Variants in CLSTN1 observed in about 807,000 individuals in gnomAD.
CLSTN1 encodes the protein calsyntenin-1.
CLSTN1 carries 28 observed loss-of-function variants against 108.3 expected under a neutral mutation model. The ratio of observed to expected loss-of-function variants is 0.26; its 90% CI spans 0.19 to 0.35. The LOEUF is 0.35. Among genes scored for constraint, CLSTN1 ranks in the 10% least tolerant of loss-of-function variants. The probability of loss-of-function intolerance (pLI) is 1.00; values close to 1 mark genes in which losing one functional copy is unlikely to be tolerated. For missense variants in CLSTN1, 1,157 were observed against 1,302.6 expected (o/e 0.89, Z 1.72); for synonymous variants, 524 against 534.9 (o/e 0.98, Z 0.28).
rs146242353 is a variant in CLSTN1 at position 9,737,518 on chromosome 1, G to C, written c.1556C>G (p.Pro519Arg). Residue 519 changes from proline to arginine, a missense_variant, in exon 11 of 19, where the codon CCT (proline) becomes CGT (arginine). Coordinates refer to ENST00000377298, the MANE Select transcript of CLSTN1 (RefSeq NM_001009566.3). ...GCAACCTGCAGAGGCCACAGTCACA[G>C]GCTCAGTTTCATTGTCATTTTCAAC... ...SGVENDNETE[P>R]VTVASAGGDL... 1.2e-6 allele frequency: 2 copies of C among 1,614,026 alleles called. No individual in the cohort carries two copies. The highest frequency in any genetic ancestry group is 1.7e-6 in the Non-Finnish European group (2 of 1,179,990).
rs116136713 is a variant in CLSTN1 at position 9,792,429 on chromosome 1, T to C, written c.92-19035A>G. Among the ~76,000 whole-genome samples the C allele has an allele frequency of 3.4e-3, 511 of 151,566 alleles. 4 individuals carry two copies. Among genetic ancestry groups the C allele is most frequent in the African/African-American group, 0.012 (496 of 41,536 alleles). On this transcript the variant is annotated intron_variant, in intron 1 of 18. Transcript: ENST00000377298. Reference sequence around the variant, plus strand: ...GTGAGATTTCCAGCAGCAAAGGCTTTAGCACAATCCTTCCAGAAGTTCCAA... The same window carrying C: ...GTGAGATTTCCAGCAGCAAAGGCTTCAGCACAATCCTTCCAGAAGTTCCAA...
intron 1 of CLSTN1, among the ~76,000 whole-genome samples, chr1:9,794,347 C>T (rs532770494): frequency 5.4e-4 from 82 of 151,594 alleles, no homozygotes; most frequent in African/African-American, 1.8e-3. Context: ...CTCCCTCTGT[C>T]GTCCAGGCTG....
rs567892902 is a variant in CLSTN1 at position 9,796,118 on chromosome 1, T to C, written c.92-22724A>G. 8.7e-5 allele frequency among the ~76,000 whole-genome samples: 13 copies of C among 149,996 alleles called. No individual in the cohort carries two copies. In the East Asian group the frequency reaches 1.4e-3, roughly 16 times the overall value. ...CTCTACTAAACACAGAAAAATTAGC[T>C]GGGCGTGGTGGTGGGCGCCTGTAAT... On this transcript the variant is annotated intron_variant, in intron 1 of 18. Transcript: ENST00000377298.
At chr1:9,760,513 C>T (rs1352061736) in intron 2 of CLSTN1, among the ~76,000 whole-genome samples, 1 of 152,030 alleles carries the variant, frequency 6.6e-6, no homozygotes, top group African/African-American at 2.4e-5. Flanking sequence ...CAGGGGCTAC[C>T]ACAGTACCTC....
intron 2 of CLSTN1, among the ~76,000 whole-genome samples, chr1:9,762,078 G>A (rs1652100184): frequency 1.3e-5 from 2 of 152,164 alleles, no homozygotes; most frequent in African/African-American, 2.4e-5. Flanking sequence ...TCAGGGAGGG[G>A]CACCTGTTCA....
Position 9,744,499 on chromosome 1 carries a change from A to C in CLSTN1, c.1130T>G (p.Val377Gly). 2 of 1,611,994 alleles carry C rather than the reference A, an allele frequency of 1.2e-6. No individual in the cohort carries two copies. The highest frequency in any genetic ancestry group is 8.5e-7 in the Non-Finnish European group (1 of 1,179,796). Reference sequence around the variant, plus strand: ...CGGCTCTTTGGGGCTGACCGACACGACGCCATCCGGGATCCTCACTGCCTG... The same window carrying C: ...CGGCTCTTTGGGGCTGACCGACACGCCGCCATCCGGGATCCTCACTGCCTG... ...GTQAVRIPDG[V>G]VSVSPKEPFT... The change falls in exon 8 of 19, where the codon GTC (valine) becomes GGC (glycine). Residue 377 changes from valine (V) to glycine (G), a missense_variant. Coordinates refer to ENST00000377298, the MANE Select transcript of CLSTN1 (RefSeq NM_001009566.3).
intron 1 of CLSTN1, among the ~76,000 whole-genome samples, chr1:9,800,672 GT>G (rs1654224346): frequency 2.0e-5 from 3 of 150,890 alleles, no homozygotes; most frequent in Non-Finnish European, 4.4e-5. Flanking sequence ...GGACCTTGCA[GT>G]GAGCCATGAT....
At chr1:9,754,663 C>T (rs1651725509) in intron 4 of CLSTN1, among the ~76,000 whole-genome samples, 1 of 152,170 alleles carries the variant, frequency 6.6e-6, no homozygotes, top group African/African-American at 2.4e-5. Flanking sequence ...TGAGACCAGC[C>T]TGACCAACAT....
intron 1 of CLSTN1, among the ~76,000 whole-genome samples, chr1:9,817,241 G>T (rs1455463996): frequency 1.3e-5 from 2 of 152,118 alleles, no homozygotes; most frequent in Non-Finnish European, 2.9e-5. Context: ...TCTGACCAAA[G>T]AAGTAAAAAA....
chr1:9,798,042 C>A (rs189340674), intron 1 of CLSTN1, among the ~76,000 whole-genome samples: 4 of 149,920 alleles, frequency 2.7e-5, no homozygotes, highest in African/African-American at 9.8e-5. Context: ...TGCAGTGAGC[C>A]GAGATGGTGC....
rs757885297 is a variant in CLSTN1, at chr1:9,730,723, C to CCACATGAGTCCGGACCACATGAGAAG, written c.2749-19_2749-18insCTTCTCATGTGGTCCGGACTCATGTG. On this transcript the variant is annotated intron_variant, in intron 18 of 18. Transcript: ENST00000377298. The surrounding 1 kb of genome is among the most constrained non-coding windows in gnomAD (Gnocchi z 5.6). ...TCATAGGTCTGGCAAGGAGAAGTGACGGCCACATGAGTCCGGCCCTGCCCA... is the reference window on the plus strand; with the variant it reads ...TCATAGGTCTGGCAAGGAGAAGTGACCACATGAGTCCGGACCACATGAGAAGGGCCACATGAGTCCGGCCCTGCCCA... The CCACATGAGTCCGGACCACATGAGAAG allele has an allele frequency of 1.9e-6, 3 of 1,580,344 alleles. No individual in the cohort carries two copies. Among genetic ancestry groups the CCACATGAGTCCGGACCACATGAGAAG allele is most frequent in the African/African-American group, 1.3e-5 (1 of 74,196 alleles).
At chr1:9,755,054 C>T (rs922531227) in intron 4 of CLSTN1, 60 bp downstream of exon 4, 94 of 1,435,078 alleles carry the variant, frequency 6.6e-5, no homozygotes, top group African/African-American at 1.8e-4. Context: ...CTACTATTTT[C>T]GTTCTGCGCA....
At chr1:9,776,441 G>C (rs1159337354) in intron 1 of CLSTN1, among the ~76,000 whole-genome samples, 1 of 152,100 alleles carries the variant, frequency 6.6e-6, no homozygotes, top group Non-Finnish European at 1.5e-5. Context: ...GAGGTTGGTT[G>C]CACAATAGTG....
chr1:9,789,134 T>C (rs1473726442), intron 1 of CLSTN1, among the ~76,000 whole-genome samples: 1 of 151,494 alleles, frequency 6.6e-6, no homozygotes, highest in East Asian at 2.0e-4. Context: ...CTGCTAATGC[T>C]GGTGTACAAA....
intron 4 of CLSTN1, among the ~76,000 whole-genome samples, chr1:9,753,689 C>A (rs891500031): frequency 1.3e-5 from 2 of 151,992 alleles, no homozygotes; most frequent in African/African-American, 4.8e-5. Context: ...CAGGGTTTCT[C>A]CATGTTGGCC....
In CLSTN1 at chr1:9,731,162, C is replaced by T. The variant is rs763653714; in HGVS notation, c.2748+44G>A. 5 of 1,610,844 alleles carry T rather than the reference C, an allele frequency of 3.1e-6. No individual in the cohort carries two copies. In the South Asian group the frequency reaches 5.5e-5, roughly 18 times the overall value. Reference sequence around the variant, plus strand: ...CGTACCGGCTTCTCGGAGGCCCTGGCCTGTGCTGCCTCTCAGTCCTGGAGG... The same window carrying T: ...CGTACCGGCTTCTCGGAGGCCCTGGTCTGTGCTGCCTCTCAGTCCTGGAGG... On this transcript the variant is annotated intron_variant, in intron 18 of 18. Coordinates refer to ENST00000377298, the MANE Select transcript of CLSTN1 (RefSeq NM_001009566.3).
At chr1:9,747,176 CAAAAAAAAAAAA>C (rs70998306) in intron 7 of CLSTN1, among the ~76,000 whole-genome samples, 10 of 32,724 alleles carry the variant, frequency 3.1e-4, no homozygotes, top group Admixed American at 3.4e-4. Context: ...GAGACTGTCT[CAAAAAAAAAAAA>C]AAAAAAAAAA....
In CLSTN1 at chr1:9,729,848, A is replaced by AGGGGCT. The variant is rs1650246581; in HGVS notation, c.*654_*659dup. On this transcript the variant is annotated 3_prime_UTR_variant, in exon 19 of 19. Transcript: ENST00000377298. ...CTCCCAGCCATACTCAGACCTGAGC[A>AGGGGCT]GGGGCTGGGGCGGGGCTGGGCGGGG... The AGGGGCT allele has an allele frequency of 6.6e-6, 1 of 150,840 alleles. No homozygotes were observed. The highest frequency in any genetic ancestry group is 2.5e-5 in the African/African-American group (1 of 40,516). The allele number at this position is 150,840 out of a possible 1,614,324, so 9.3% of individuals were successfully genotyped here.
chr1:9,823,798 C>CGGGGCTCTA lies in CLSTN1; in HGVS notation c.-74_-66dup. 1 of 868,000 alleles carries CGGGGCTCTA rather than the reference C, an allele frequency of 1.2e-6. No individual in the cohort carries two copies. Among genetic ancestry groups the CGGGGCTCTA allele is most frequent in the Non-Finnish European group, 1.4e-6 (1 of 715,356 alleles). The allele number at this position is 868,000 out of a possible 1,614,324, so 53.8% of individuals were successfully genotyped here. On this transcript the variant is annotated 5_prime_UTR_variant, in exon 1 of 19. Coordinates refer to ENST00000377298, the MANE Select transcript of CLSTN1 (RefSeq NM_001009566.3). The surrounding 1 kb of genome is among the most constrained non-coding windows in gnomAD (Gnocchi z 6.3). ...CGCCGAGCGGAGCTCTCGGAGCTCT[C>CGGGGCTCTA]GGGGCTCTAGGGGCCTGGGGCTAGC...
Sources: allele counts gnomAD v4.1 joint callset (sites outside exome capture counted in the v4.1 genomes callset), GRCh38; gene constraint gnomAD v4.1.1; non-coding constraint Gnocchi (gnomAD v3.1); transcripts MANE v1.5; gene names NCBI Gene and HGNC (gene_info 2026-07-23, HGNC 2026-07-21).